NRXN1: variants seen among roughly 807,000 people sequenced by gnomAD.
The protein encoded by NRXN1 is neurexin-1.
A neutral mutation model predicts 150.9 loss-of-function variants in NRXN1; 39 were observed. The ratio of observed to expected loss-of-function variants is 0.26; its 90% CI spans 0.20 to 0.34. The LOEUF (loss-of-function observed/expected upper bound fraction) is 0.34. Ranked by LOEUF, NRXN1 falls within the 10% of genes least tolerant of loss-of-function variation. The probability of loss-of-function intolerance (pLI) is 1.00; values close to 1 mark genes in which losing one functional copy is unlikely to be tolerated. For missense variants in NRXN1, 1,815 were observed against 1,949.9 expected, an observed-to-expected ratio of 0.93 and a Z score of 1.30; for synonymous variants, 924 against 757.0, an observed-to-expected ratio of 1.22 and a Z score of -3.62.
intron 22 of NRXN1, among the ~76,000 whole-genome samples, chr2:49,932,785 C>T (rs774297714): frequency 6.6e-6 from 1 of 152,128 alleles, no homozygotes; most frequent in East Asian, 1.9e-4. Context: ...ATGGTAATTG[C>T]TGTGCTATAC....
intron 17 of NRXN1, among the ~76,000 whole-genome samples, chr2:50,300,178 G>C (rs1340970737): frequency 6.6e-6 from 1 of 152,116 alleles, no homozygotes; most frequent in African/African-American, 2.4e-5. Flanking sequence ...TAATAATACT[G>C]ACAAAAAGAG....
rs115783462 is a variant in NRXN1, at chr2:50,202,589, G to A, written c.3546+34200C>T. ...TTTGAGTTTTGAGAGGCAAGAAAAG[G>A]AACTATTGACTTAAGCCTCTTTTCT... is the stretch of plus-strand genomic sequence containing the variant. On this transcript the variant is annotated intron_variant, in intron 18 of 22. Coordinates refer to ENST00000401669, the MANE Select transcript of NRXN1 (RefSeq NM_001330078.2). Among the ~76,000 whole-genome samples, 844 of 152,190 alleles carry A rather than the reference G, an allele frequency of 5.5e-3. 4 individuals are homozygous for A. The highest frequency in any genetic ancestry group is 8.6e-3 in the Non-Finnish European group (585 of 68,008).
At chr2:50,277,382 G>GTCCTTCCTTCCTTCCTTCCTCCC (rs2070654139) in intron 17 of NRXN1, among the ~76,000 whole-genome samples, 46 of 132,148 alleles carry the variant, frequency 3.5e-4, no homozygotes, top group African/African-American at 1.3e-3. Context: ...AAAAAGGTCC[G>GTCCTTCCTTCCTTCCTTCCTCCC]TCCTTCCTTC....
At chr2:49,971,034 G>A (rs1343596532) in intron 21 of NRXN1, among the ~76,000 whole-genome samples, 3 of 152,098 alleles carry the variant, frequency 2.0e-5, no homozygotes, top group Non-Finnish European at 4.4e-5. Flanking sequence ...AATTTTGATA[G>A]GGTGAAATCT....
chr2:51,031,052 G>C (rs1671464643), intron 1 of NRXN1, among the ~76,000 whole-genome samples: 1 of 151,888 alleles, frequency 6.6e-6, no homozygotes, highest in Admixed American at 6.6e-5. Flanking sequence ...CAATATATAT[G>C]TACATATAGA....
chr2:50,198,292 T>C (rs993060307), intron 18 of NRXN1, among the ~76,000 whole-genome samples: 6 of 152,148 alleles, frequency 3.9e-5, no homozygotes, highest in Admixed American at 1.3e-4. Context: ...GATCATTTAA[T>C]AGTTCACTCA....
chr2:50,540,542 G>A (rs946643856), intron 9 of NRXN1, among the ~76,000 whole-genome samples: 3 of 152,154 alleles, frequency 2.0e-5, no homozygotes, highest in Admixed American at 2.0e-4. Context: ...AGTAGCTAAT[G>A]AAAGTTAGAA....
intron 21 of NRXN1, chr2:49,974,218 C>T: frequency 1.4e-6 from 1 of 690,062 alleles, no homozygotes; most frequent in East Asian, 2.8e-5. Context: ...CTGTCAGTCA[C>T]GTGTCACTGA....
rs2092788056 is a variant in NRXN1, at chr2:50,521,499, A to G, written c.2374+7126T>C. Among the ~76,000 whole-genome samples the G allele has an allele frequency of 2.6e-5, 4 of 152,180 alleles. No homozygotes were observed. The South Asian group carries it at 8.3e-4, about 32-fold the overall frequency. On this transcript the variant is annotated intron_variant, in intron 12 of 22. Coordinates refer to ENST00000401669, the MANE Select transcript of NRXN1 (RefSeq NM_001330078.2). ...TTCAGGAAAACTGTTTTCATAATGCATTTCTTATCCATCTTGCTTTTTGCT... is the reference window on the plus strand; with the variant it reads ...TTCAGGAAAACTGTTTTCATAATGCGTTTCTTATCCATCTTGCTTTTTGCT...
chr2:50,764,793 C>G (rs1247738323), intron 5 of NRXN1, among the ~76,000 whole-genome samples: 1 of 151,966 alleles, frequency 6.6e-6, no homozygotes, highest in Non-Finnish European at 1.5e-5. Context: ...ACCCACGCAA[C>G]AAAGGACCAC....
chr2:50,561,836 A>G (rs1355438304), intron 8 of NRXN1, among the ~76,000 whole-genome samples: 1 of 152,218 alleles, frequency 6.6e-6, no homozygotes, highest in African/African-American at 2.4e-5. Context: ...ACTAGAATCA[A>G]TAAACTTGCA....
chr2:50,479,229 G>C (rs1029297844), intron 15 of NRXN1, among the ~76,000 whole-genome samples: 1 of 152,142 alleles, frequency 6.6e-6, no homozygotes, highest in Non-Finnish European at 1.5e-5. Context: ...GTCAAACTTT[G>C]TTGGCAGCCT....
chr2:50,956,737 T>C (rs1692345086), intron 2 of NRXN1, among the ~76,000 whole-genome samples: 1 of 151,378 alleles, frequency 6.6e-6, no homozygotes, highest in Admixed American at 6.6e-5. Flanking sequence ...ATAATAATAA[T>C]AATAAATTTA....
intron 17 of NRXN1, among the ~76,000 whole-genome samples, chr2:50,329,514 C>T (rs60043047): frequency 0.018 from 2,660 of 147,494 alleles, 98 homozygotes; most frequent in African/African-American, 0.063. Context: ...ACTATACCTT[C>T]TAACTCATTT....
intron 18 of NRXN1, among the ~76,000 whole-genome samples, chr2:50,168,172 G>A (rs1344298401): frequency 6.6e-6 from 1 of 152,122 alleles, no homozygotes; most frequent in Non-Finnish European, 1.5e-5. Context: ...AGTGACCCAG[G>A]GATGTTCATG....
intron 5 of NRXN1, among the ~76,000 whole-genome samples, chr2:50,648,213 C>T (rs1685103239): frequency 6.6e-6 from 1 of 151,834 alleles, no homozygotes; most frequent in Non-Finnish European, 1.5e-5. Context: ...GCAAAACCTC[C>T]CACAGAGACC....
chr2:50,192,726 C>G (rs1363760165), intron 18 of NRXN1, among the ~76,000 whole-genome samples: 1 of 152,146 alleles, frequency 6.6e-6, no homozygotes, highest in African/African-American at 2.4e-5. Context: ...TGTGCCTCAG[C>G]CTCCTGAGTA....
intron 17 of NRXN1, among the ~76,000 whole-genome samples, chr2:50,419,903 G>C (rs376463115): frequency 2.8e-4 from 42 of 152,106 alleles, no homozygotes; most frequent in African/African-American, 1.0e-3. Flanking sequence ...ATCCTCCACT[G>C]TATCCCAGCT....
At chr2:49,966,107 G>A (rs1246939029) in intron 21 of NRXN1, among the ~76,000 whole-genome samples, 1 of 152,110 alleles carries the variant, frequency 6.6e-6, no homozygotes, top group African/African-American at 2.4e-5. Flanking sequence ...TTGTATAAAA[G>A]CTAGTTTGAA....
Sources: allele counts gnomAD v4.1 joint callset (sites outside exome capture counted in the v4.1 genomes callset), GRCh38; gene constraint gnomAD v4.1.1; transcripts MANE v1.5; gene names NCBI Gene and HGNC (gene_info 2026-07-23, HGNC 2026-07-21).